OCIAD1: variants seen among roughly 807,000 people sequenced by gnomAD.
The protein encoded by OCIAD1 is OCIA domain containing 1.
In OCIAD1, 29 loss-of-function variants were observed where a neutral mutation model predicts 38.9. That is an observed-to-expected ratio of 0.74 (90% CI 0.55 to 1.02). OCIAD1 has a LOEUF of 1.02. Ranked by LOEUF, OCIAD1 falls within the 50% of genes least tolerant of loss-of-function variation. The pLI, the probability that OCIAD1 is intolerant of heterozygous loss-of-function variation, is 0.00. For missense variants in OCIAD1, 288 were observed against 289.6 expected, an observed-to-expected ratio of 0.99 and a Z score of 0.04; for synonymous variants, 110 against 92.0, an observed-to-expected ratio of 1.20 and a Z score of -1.12.
chr4:48,831,371 C>A, intron 1 of OCIAD1, 122 bp downstream of exon 1: 1 of 593,374 alleles, frequency 1.7e-6, no homozygotes, highest in Non-Finnish European at 2.8e-6. Context: ...GGACAGATCG[C>A]GCTCGGGTCT....
intron 1 of OCIAD1, among the ~76,000 whole-genome samples, chr4:48,822,301 C>T (rs1304707159): frequency 6.6e-6 from 1 of 152,174 alleles, no homozygotes; most frequent in African/African-American, 2.4e-5. Flanking sequence ...GGAAAGGATT[C>T]CCTATTTAAT....
chr4:48,815,291 C>G (rs1777133688), intron 1 of OCIAD1, among the ~76,000 whole-genome samples: 1 of 152,110 alleles, frequency 6.6e-6, no homozygotes. Context: ...GCCCGGGGAA[C>G]AGTGTGAGAC....
At chr4:48,811,188 C>G (rs1359562487) in intron 1 of OCIAD1, among the ~76,000 whole-genome samples, 3 of 152,118 alleles carry the variant, frequency 2.0e-5, no homozygotes, top group Admixed American at 2.0e-4. Context: ...CCCACTACCA[C>G]ATTGATTCAC....
chr4:48,809,204 A>G (rs1215721208), intron 1 of OCIAD1, among the ~76,000 whole-genome samples: 1 of 152,162 alleles, frequency 6.6e-6, no homozygotes, highest in Non-Finnish European at 1.5e-5. Flanking sequence ...AAATCCATCT[A>G]TGGCTTCCCT....
intron 3 of OCIAD1, among the ~76,000 whole-genome samples, chr4:48,842,043 C>A (rs1778579213): frequency 6.6e-6 from 1 of 152,166 alleles, no homozygotes; most frequent in African/African-American, 2.4e-5. Flanking sequence ...TGGTATCAGA[C>A]AGATTTTATT....
At chr4:48,840,191 G>A (rs1200799593) in intron 3 of OCIAD1, among the ~76,000 whole-genome samples, 1 of 152,144 alleles carries the variant, frequency 6.6e-6, no homozygotes, top group African/African-American at 2.4e-5. Context: ...GAATCTCCTC[G>A]AACAGACTAT....
intron 1 of OCIAD1, among the ~76,000 whole-genome samples, chr4:48,824,143 T>A (rs1777225363): frequency 6.6e-6 from 1 of 152,054 alleles, no homozygotes; most frequent in South Asian, 2.1e-4. Context: ...CATGCCCAGC[T>A]AATTTTTTGT....
At chr4:48,827,897 A>G (rs1418152391), upstream of OCIAD1, among the ~76,000 whole-genome samples, 1 of 152,200 alleles carries the variant, frequency 6.6e-6, no homozygotes, top group Non-Finnish European at 1.5e-5. Flanking sequence ...AGGATTGTGT[A>G]TGCACCAATC....
chr4:48,851,687 A>T (rs1779485469), intron 6 of OCIAD1, 119 bp from the exon 7 acceptor site: 2 of 493,522 alleles, frequency 4.1e-6, no homozygotes, highest in Non-Finnish European at 6.9e-6. Flanking sequence ...AAAAAATAAA[A>T]AAAATTATAT....
intron 3 of OCIAD1, among the ~76,000 whole-genome samples, chr4:48,841,498 T>C (rs2109548895): frequency 6.6e-6 from 1 of 152,264 alleles, no homozygotes; most frequent in Non-Finnish European, 1.5e-5. Flanking sequence ...GGGAACTCAT[T>C]AGAGACTCAG....
intron 1 of OCIAD1, among the ~76,000 whole-genome samples, chr4:48,810,894 CTT>C (rs869120091): frequency 1.6e-5 from 1 of 64,234 alleles, no homozygotes; most frequent in African/African-American, 6.3e-5. Context: ...TTCTTTCTTT[CTT>C]TTTTTTTTTT....
chr4:48,836,477 A>G (rs552482083), intron 3 of OCIAD1, among the ~76,000 whole-genome samples: 2 of 152,330 alleles, frequency 1.3e-5, no homozygotes, highest in South Asian at 2.1e-4. Context: ...GAAGATTTCT[A>G]AGCAACTACA....
At chr4:48,834,502 C>T (rs777117604) in intron 3 of OCIAD1, among the ~76,000 whole-genome samples, 1 of 152,050 alleles carries the variant, frequency 6.6e-6, no homozygotes, top group Non-Finnish European at 1.5e-5. Context: ...TGGCACGGTG[C>T]CTCATGGCTA....
chr4:48,861,464 A>G lies in OCIAD1; in HGVS notation c.*702A>G, dbSNP rs1413759722. The G allele has an allele frequency of 1.3e-5, 2 of 152,190 alleles. No homozygotes were observed. Among genetic ancestry groups the G allele is most frequent in the Non-Finnish European group, 2.9e-5 (2 of 68,088 alleles). 9.4% of individuals were successfully genotyped at this position (152,190 alleles called of 1,614,324 possible). ...CACTTTGGGAGGCCGAAGTGGGAGG[A>G]TTGCATGAGTCCAGGAGTTTGAGAC... On this transcript the variant is annotated 3_prime_UTR_variant, in exon 9 of 9. Coordinates refer to ENST00000264312, the MANE Select transcript of OCIAD1 (RefSeq NM_017830.4).
chr4:48,839,936 A>G (rs1364735606), intron 3 of OCIAD1, among the ~76,000 whole-genome samples: 14 of 152,204 alleles, frequency 9.2e-5, no homozygotes, highest in Admixed American at 5.9e-4. Flanking sequence ...TCTCAGCATT[A>G]CCACAAACTA....
At chr4:48,843,733 C>CA (rs762994795) in intron 4 of OCIAD1, among the ~76,000 whole-genome samples, 35 of 151,528 alleles carry the variant, frequency 2.3e-4, no homozygotes, top group Non-Finnish European at 3.5e-4. Context: ...AACAACAAAA[C>CA]AAAAAAAACC....
intron 1 of OCIAD1, among the ~76,000 whole-genome samples, chr4:48,825,494 G>A (rs1184794480): frequency 6.6e-6 from 1 of 152,218 alleles, no homozygotes; most frequent in East Asian, 1.9e-4. Context: ...GGAAAGAAGA[G>A]CTGAATTTTG....
intron 1 of OCIAD1, among the ~76,000 whole-genome samples, chr4:48,813,225 G>T (rs1777108712): frequency 6.6e-6 from 1 of 152,162 alleles, no homozygotes; most frequent in Non-Finnish European, 1.5e-5. Context: ...AAACATTTTT[G>T]AAAGAGTCTG....
intron 1 of OCIAD1, among the ~76,000 whole-genome samples, chr4:48,807,977 A>C (rs1242357738): frequency 1.3e-5 from 2 of 152,172 alleles, no homozygotes; most frequent in African/African-American, 4.8e-5. Flanking sequence ...CATTTTATTT[A>C]GTTCTCAAAA....
Sources: allele counts gnomAD v4.1 joint callset (sites outside exome capture counted in the v4.1 genomes callset), GRCh38; gene constraint gnomAD v4.1.1; transcripts MANE v1.5; gene names NCBI Gene and HGNC (gene_info 2026-07-23, HGNC 2026-07-21).